The following DPP6 variants were observed in gnomAD, a reference collection of about 807,000 sequenced individuals.
DPP6 encodes the protein dipeptidyl peptidase like 6, also known as A-type potassium channel modulatory protein DPP6.
Under a neutral mutation model 122.6 loss-of-function variants are expected in DPP6, and 69 were observed. That is an observed-to-expected ratio of 0.56 (90% confidence interval 0.46 to 0.69). The LOEUF (loss-of-function observed/expected upper bound fraction) is 0.69. DPP6 is among the 30% of genes least tolerant of loss of function. DPP6 has a pLI of 0.00. For synonymous variants in DPP6, 418 were observed against 433.1 expected, an observed-to-expected ratio of 0.97 and a Z score of 0.43; for missense variants, 928 against 1,116.9, an observed-to-expected ratio of 0.83 and a Z score of 2.41.
intron 1 of DPP6, chr7:154,305,517 G>A (rs760076805): frequency 1.2e-6 from 2 of 1,604,664 alleles, no homozygotes; most frequent in East Asian, 2.2e-5. Context: ...AAGGAGCCAA[G>A]CGCTTCGGGG....
intron 6 of DPP6, among the ~76,000 whole-genome samples, chr7:154,668,568 C>T (rs1387684065): frequency 6.6e-6 from 1 of 151,926 alleles, no homozygotes; most frequent in African/African-American, 2.4e-5. Flanking sequence ...TGACAGAGCC[C>T]AGCAGACTCA....
At chr7:154,549,604 A>G (rs115044367) in intron 4 of DPP6, among the ~76,000 whole-genome samples, 1,605 of 152,308 alleles carry the variant, frequency 0.011, 33 homozygotes, top group African/African-American at 0.036. Flanking sequence ...GATTAAAAAA[A>G]CAACAACAAC....
chr7:154,532,704 G>T (rs1827938049), intron 3 of DPP6, among the ~76,000 whole-genome samples: 1 of 151,822 alleles, frequency 6.6e-6, no homozygotes, highest in South Asian at 2.1e-4. Context: ...AAGATAATAT[G>T]TTATTAATTA....
At chr7:154,239,582 A>T (rs1453177134) in intron 1 of DPP6, among the ~76,000 whole-genome samples, 1 of 152,126 alleles carries the variant, frequency 6.6e-6, no homozygotes, top group Non-Finnish European at 1.5e-5. Context: ...CAGTATACAT[A>T]CACAGAAAAT....
intron 1 of DPP6, among the ~76,000 whole-genome samples, chr7:154,047,111 A>G (rs546454878): frequency 1.6e-4 from 24 of 151,624 alleles, no homozygotes; most frequent in East Asian, 5.8e-4. Flanking sequence ...GCTGATGCCA[A>G]TGTCCCCAGA....
intron 1 of DPP6, among the ~76,000 whole-genome samples, chr7:154,400,660 A>C (rs564213243): frequency 6.6e-6 from 1 of 152,248 alleles, no homozygotes; most frequent in Non-Finnish European, 1.5e-5. Flanking sequence ...CCAGATAGGC[A>C]AGCATGGAAT....
chr7:154,635,345 AG>A (rs1465329651), intron 5 of DPP6, among the ~76,000 whole-genome samples: 1 of 151,948 alleles, frequency 6.6e-6, no homozygotes, highest in Non-Finnish European at 1.5e-5. Context: ...GTAATATCAA[AG>A]GCTTCCTCTG....
intron 1 of DPP6, among the ~76,000 whole-genome samples, chr7:153,956,494 G>T (rs1305850556): frequency 6.6e-6 from 1 of 152,164 alleles, no homozygotes; most frequent in East Asian, 1.9e-4. Flanking sequence ...TCTTACCTCT[G>T]CAGCAAGTTC....
chr7:154,193,304 G>A (rs543663985), intron 1 of DPP6, among the ~76,000 whole-genome samples: 9 of 152,284 alleles, frequency 5.9e-5, no homozygotes, highest in African/African-American at 2.4e-5. Flanking sequence ...CAGCATTCTC[G>A]TGTGTAGTAG....
chr7:154,458,220 T>C (rs1359920866), intron 2 of DPP6, among the ~76,000 whole-genome samples: 3 of 152,138 alleles, frequency 2.0e-5, no homozygotes, highest in Non-Finnish European at 4.4e-5. Flanking sequence ...TGGGAGGTAA[T>C]TGAATCATGG....
chr7:154,132,790 A>G (rs1164185617), intron 1 of DPP6, among the ~76,000 whole-genome samples: 1 of 152,032 alleles, frequency 6.6e-6, no homozygotes, highest in Non-Finnish European at 1.5e-5. Context: ...GAGATGCCAC[A>G]CGTGAAACCA....
intron 1 of DPP6, among the ~76,000 whole-genome samples, chr7:154,017,382 C>T (rs1798472440): frequency 1.3e-5 from 2 of 152,100 alleles, no homozygotes; most frequent in Admixed American, 6.5e-5. Context: ...GCCCAGTCAA[C>T]AATAATTTAT....
At chr7:153,948,800 C>A (rs1029741529) in intron 1 of DPP6, among the ~76,000 whole-genome samples, 4 of 143,218 alleles carry the variant, frequency 2.8e-5, no homozygotes. Context: ...TTCCTTCAAG[C>A]AGTAATCAAG....
At chr7:154,567,060 A>T (rs910603264) in intron 5 of DPP6, 144 bp downstream of exon 5, 15 of 625,642 alleles carry the variant, frequency 2.4e-5, no homozygotes, top group Non-Finnish European at 3.8e-5. Context: ...TTTGCATATC[A>T]TACTGCCACC....
intron 10 of DPP6, among the ~76,000 whole-genome samples, chr7:154,783,611 G>C (rs1263476843): frequency 6.6e-6 from 1 of 152,278 alleles, no homozygotes; most frequent in South Asian, 2.1e-4. Flanking sequence ...GCCTTCTGTT[G>C]ACGTTGAGTG....
the DPP6 span, among the ~76,000 whole-genome samples, chr7:153,838,528 AG>A: frequency 1.3e-5 from 2 of 152,188 alleles, no homozygotes; most frequent in African/African-American, 4.8e-5. Context: ...GTGAAGACAA[AG>A]GGAAACATGA....
chr7:154,466,260 TG>T (rs1463742674), intron 2 of DPP6, among the ~76,000 whole-genome samples: 21 of 152,104 alleles, frequency 1.4e-4, no homozygotes, highest in African/African-American at 5.1e-4. Context: ...ATGTAGATGA[TG>T]GGTTGATGGG....
At chr7:153,953,703 TAGTC>T (rs757453381) in intron 1 of DPP6, among the ~76,000 whole-genome samples, 22 of 152,214 alleles carry the variant, frequency 1.4e-4, no homozygotes, top group Non-Finnish European at 2.8e-4. Context: ...GCTATACTGT[TAGTC>T]AGCATTCTCC....
chr7:154,834,566 A>G (rs1250115616), intron 16 of DPP6, among the ~76,000 whole-genome samples: 1 of 152,220 alleles, frequency 6.6e-6, no homozygotes, highest in Non-Finnish European at 1.5e-5. Flanking sequence ...AAGAGCATCT[A>G]TGTCACTTAC....
Sources: allele counts gnomAD v4.1 joint callset (sites outside exome capture counted in the v4.1 genomes callset), GRCh38; gene constraint gnomAD v4.1.1; transcripts MANE v1.5; gene names NCBI Gene and HGNC (gene_info 2026-07-23, HGNC 2026-07-21).